Variants in PITPNM1 observed in about 807,000 individuals in gnomAD.
PITPNM1 encodes the protein membrane-associated phosphatidylinositol transfer protein 1.
A neutral mutation model predicts 133.3 loss-of-function variants in PITPNM1; 74 were observed. The observed-to-expected ratio is 0.56, with a 90% CI of 0.46 to 0.67. The LOEUF (loss-of-function observed/expected upper bound fraction) is 0.67, where lower values mean the gene tolerates loss of function less well. Ranked by LOEUF, PITPNM1 falls within the 30% of genes least tolerant of loss-of-function variation. The probability of loss-of-function intolerance (pLI) is 0.00; values close to 1 mark genes in which losing one functional copy is unlikely to be tolerated. For synonymous variants in PITPNM1, 738 were observed against 741.4 expected (o/e 1.00, Z 0.08); for missense variants, 1,398 against 1,739.5 (o/e 0.80, Z 3.49).
upstream of PITPNM1, among the ~76,000 whole-genome samples, chr11:67,505,681 T>C (rs1404988955): frequency 6.6e-6 from 1 of 152,106 alleles, no homozygotes; most frequent in Non-Finnish European, 1.5e-5. This position sits in a 1 kb window ranked among gnomAD's most constrained non-coding sequence, Gnocchi z 5.8. Flanking sequence ...CTCTTCTCAC[T>C]CTCTGCAGTC....
chr11:67,504,149 G>A lies in PITPNM1; in HGVS notation c.32C>T (p.Pro11Leu). The A allele has an allele frequency of 6.2e-7, 1 of 1,609,916 alleles. No homozygotes were observed. The highest frequency in any genetic ancestry group is 8.5e-7 in the Non-Finnish European group (1 of 1,178,778). Residue 11 changes from proline to leucine, a missense_variant, in exon 2 of 24, where the codon CCC becomes CTC. Pro to Leu is a moderately conservative substitution (Grantham distance 98). This residue lies in a region of PITPNM1 where 274 missense variants were observed against 360.7 expected (regional missense o/e 0.76). Transcript: ENST00000356404. This position sits in a 1 kb window ranked among gnomAD's most constrained non-coding sequence, Gnocchi z 5.4. ...CACCTGGTACTCGTCCAGGCTCATGGGCAGCAGAATGTGGTATTCCTTGAT... is the reference window on the plus strand; with the variant it reads ...CACCTGGTACTCGTCCAGGCTCATGAGCAGCAGAATGTGGTATTCCTTGAT... MLIKEYHILLPMSLDEYQVAQ... is the reference protein window; with the variant it reads MLIKEYHILLLMSLDEYQVAQ...
In PITPNM1 at chr11:67,493,852, GC is replaced by G. The variant is rs780467958; in HGVS notation, c.3009-16del. On this transcript the variant is annotated splice_polypyrimidine_tract_variant and intron_variant, in intron 20 of 23. Transcript: ENST00000356404. ...TGTGGTCGCCCCTGCGGCCCACGGG[GC>G]GGGGCGTGAGTGGCGCGGGGCGAGG... The G allele has an allele frequency of 4.6e-6, 7 of 1,534,566 alleles. No individual in the cohort carries two copies. Among genetic ancestry groups the G allele is most frequent in the Non-Finnish European group, 6.1e-6 (7 of 1,138,320 alleles).
Position 67,502,247 on chromosome 11 carries a change from A to C in PITPNM1, c.415+45T>G, listed in dbSNP as rs374267802. On this transcript the variant is annotated intron_variant, in intron 4 of 23. Coordinates refer to ENST00000356404, the MANE Select transcript of PITPNM1 (RefSeq NM_004910.3). The surrounding 1 kb of genome is among the most constrained non-coding windows in gnomAD (Gnocchi z 5.9). ...GAGGCTGCCCACTGAGGCAGCCAGG[A>C]GCCTGAGAGGGGCGCCAGGGTCCCC... The C allele has an allele frequency of 5.3e-5, 84 of 1,599,646 alleles. No individual in the cohort carries two copies. The highest frequency in any genetic ancestry group is 6.9e-5 in the Non-Finnish European group (81 of 1,173,116).
In PITPNM1 at chr11:67,502,418, G is replaced by A. The variant is rs2134327457; in HGVS notation, c.294-5C>T. 6.2e-7 allele frequency: 1 copy of A among 1,613,852 alleles called. No homozygotes were observed. The highest frequency in any genetic ancestry group is 8.5e-7 in the Non-Finnish European group (1 of 1,180,008). ...TCCACGAAAGGGCAGGTGTACCTGG[G>A]CAGAAGGCACGGGTGAGGCTCACTG... On this transcript the variant is annotated splice_polypyrimidine_tract_variant and splice_region_variant and intron_variant, in intron 3 of 23. Transcript: ENST00000356404. This position sits in a 1 kb window ranked among gnomAD's most constrained non-coding sequence, Gnocchi z 5.9.
intron 13 of PITPNM1, 27 bp downstream of exon 13, chr11:67,497,495 G>T: frequency 6.2e-7 from 1 of 1,602,840 alleles, no homozygotes; most frequent in South Asian, 1.1e-5. Flanking sequence ...TGTGCCCAGG[G>T]TAGGGGTGAT....
intron 2 of PITPNM1, chr11:67,503,846 G>A (rs1455829760): frequency 2.1e-5 from 8 of 373,358 alleles, no homozygotes; most frequent in East Asian, 4.3e-5. Flanking sequence ...CCTCCTGGGC[G>A]CTTTTTCCTT....
At chr11:67,497,837 G>A in intron 12 of PITPNM1, 80 bp downstream of exon 12, 1 of 1,481,930 alleles carries the variant, frequency 6.7e-7, no homozygotes, top group Non-Finnish European at 9.3e-7. Context: ...CTGGCAGAGG[G>A]GTGGCATTCC....
At position 67,500,207 on chromosome 11, in the gene PITPNM1, A is replaced by G. The variant is rs751845451; in HGVS notation, c.855T>C (p.Thr285=). 3.1e-6 allele frequency: 5 copies of G among 1,603,800 alleles called. No individual in the cohort carries two copies. The highest frequency in any genetic ancestry group is 2.2e-5 in the East Asian group (1 of 44,872). ...GGGCCTCAGGCCCATCGGGGGTGCC[A>G]GTGTTGCTGGCCGCAGACCGGGCCT... ...STEARSAASN[T]GTPDGPEAPP... The change falls in exon 6 of 24, where the codon ACT becomes ACC. Residue 285 remains threonine (T), a synonymous_variant. Transcript: ENST00000356404.
Position 67,502,123 on chromosome 11 carries a change from C to T in PITPNM1, c.416-37G>A. 6.3e-7 allele frequency: 1 copy of T among 1,589,430 alleles called. No homozygotes were observed. The highest frequency in any genetic ancestry group is 1.3e-5 in the African/African-American group (1 of 74,442). On this transcript the variant is annotated intron_variant, in intron 4 of 23. Coordinates refer to ENST00000356404, the MANE Select transcript of PITPNM1 (RefSeq NM_004910.3). This position sits in a 1 kb window ranked among gnomAD's most constrained non-coding sequence, Gnocchi z 5.9. ...CGGCAAGCATTGAGCAGCGCCAGCC[C>T]CTTTGAGCCCCCGCTCCTGGCACCC...
chr11:67,495,173 G>A lies in PITPNM1; in HGVS notation c.2535C>T (p.Pro845=). The change falls in exon 17 of 24, where the codon CCC becomes CCT. Residue 845 remains proline (P), a synonymous_variant. Transcript: ENST00000356404. The part of the protein sequence containing the change: ...TKRIDYSLYC[P]EALTAFPTVT... The stretch of plus-strand genomic sequence containing the variant: ...CGGTGGGAAAGGCGGTGAGCGCCTC[G>A]GGGCAGTACAGCGAGTAGTCGATCC... 7 of 1,611,436 alleles carry A rather than the reference G, an allele frequency of 4.3e-6. No individual in the cohort carries two copies. Among genetic ancestry groups the A allele is most frequent in the Non-Finnish European group, 5.9e-6 (7 of 1,179,662 alleles).
chr11:67,495,474 G>T lies in PITPNM1; in HGVS notation c.2446C>A (p.Pro816Thr). The change falls in exon 16 of 24, where the codon CCA (proline) becomes ACA (threonine). Residue 816 changes from proline to threonine, a missense_variant. By Grantham distance (38) the Pro-to-Thr change is conservative. Coordinates refer to ENST00000356404, the MANE Select transcript of PITPNM1 (RefSeq NM_004910.3). ...SELATDPPAQ[P>T]AAPSTTSEVV... ...TCACTGGTGGTGCTGGGGGCGGCTGGCTGGGCCGGGGGGTCAGTGGCCAAC... is the reference window on the plus strand; with the variant it reads ...TCACTGGTGGTGCTGGGGGCGGCTGTCTGGGCCGGGGGGTCAGTGGCCAAC... 1.3e-6 allele frequency: 2 copies of T among 1,553,340 alleles called. No individual in the cohort carries two copies. Among genetic ancestry groups the T allele is most frequent in the Non-Finnish European group, 8.7e-7 (1 of 1,149,980 alleles).
chr11:67,497,781 A>G (rs1009298948), intron 12 of PITPNM1, 102 bp from the exon 13 acceptor site: 17 of 1,528,444 alleles, frequency 1.1e-5, no homozygotes, highest in Non-Finnish European at 1.5e-5. Flanking sequence ...GCAGAGCAGA[A>G]TTCCAGAGAA....
chr11:67,492,444 AC>A, intron 23 of PITPNM1, 148 bp from the exon 24 acceptor site: 1 of 789,898 alleles, frequency 1.3e-6, no homozygotes, highest in Non-Finnish European at 1.9e-6. Context: ...AATAGATAGG[AC>A]CCCAGGCTGG....
In PITPNM1 at chr11:67,493,076, T is replaced by C. The variant is rs549716011; in HGVS notation, c.3343-14A>G. 2 of 1,612,696 alleles carry C rather than the reference T, an allele frequency of 1.2e-6. No homozygotes were observed. Among genetic ancestry groups the C allele is most frequent in the African/African-American group, 1.3e-5 (1 of 75,062 alleles). ...GTTCAGTTCTACCTGTGGCGGGAGA[T>C]GCCAATCAGCCGCCCCAGGGGTGGA... is the stretch of plus-strand genomic sequence containing the variant. On this transcript the variant is annotated splice_polypyrimidine_tract_variant and intron_variant, in intron 22 of 23. Transcript: ENST00000356404.
At position 67,494,338 on chromosome 11, in the gene PITPNM1, G is replaced by T; in HGVS notation, c.2765C>A (p.Ala922Glu). The T allele has an allele frequency of 6.2e-7, 1 of 1,607,642 alleles. No homozygotes were observed. The highest frequency in any genetic ancestry group is 8.5e-7 in the Non-Finnish European group (1 of 1,177,384). ...KIRNVTSNHR[A>E]SDTVVCEGRP... Reference sequence around the variant, plus strand: ...GCCCTCGCACACCACCGTGTCGCTCGCCCGGTGGTTGGAAGTGACGTTCTA... The same window carrying T: ...GCCCTCGCACACCACCGTGTCGCTCTCCCGGTGGTTGGAAGTGACGTTCTA... The change falls in exon 19 of 24, where the codon GCG (alanine) becomes GAG (glutamate). Residue 922 changes from alanine (A) to glutamate (E), a missense_variant. Physicochemically the swap from Ala to Glu is moderately radical, Grantham distance 107. Coordinates refer to ENST00000356404, the MANE Select transcript of PITPNM1 (RefSeq NM_004910.3).
intron 2 of PITPNM1, chr11:67,503,772 T>C: frequency 3.8e-6 from 1 of 263,258 alleles, no homozygotes; most frequent in South Asian, 5.7e-5. Flanking sequence ...GCCAGGACCC[T>C]CCACTTCTCC....
intron 22 of PITPNM1, 132 bp from the exon 23 acceptor site, chr11:67,493,194 A>G (rs1865992199): frequency 1.7e-6 from 2 of 1,204,460 alleles, no homozygotes; most frequent in Non-Finnish European, 2.4e-6. Flanking sequence ...TCCCAGTCCC[A>G]CGGGGACAGG....
intron 6 of PITPNM1, 42 bp from the exon 7 acceptor site, chr11:67,500,051 G>T (rs768397402): frequency 6.1e-5 from 98 of 1,604,014 alleles, no homozygotes; most frequent in Non-Finnish European, 8.0e-5. Context: ...CAGGAGCCCA[G>T]CCTGGGGAGG....
chr11:67,499,472 A>C (rs1284971815), intron 8 of PITPNM1, among the ~76,000 whole-genome samples: 1 of 150,062 alleles, frequency 6.7e-6, no homozygotes, highest in African/African-American at 2.5e-5. Context: ...TCACCTCTCA[A>C]GTGAAGCATT....
Sources: gnomAD v4.1 joint callset for allele counts (sites outside exome capture counted in the v4.1 genomes callset) on GRCh38, gnomAD v4.1.1 for gene constraint, gnomAD v4.1.1 regional missense constraint, Gnocchi (gnomAD v3.1) non-coding constraint, MANE v1.5 for transcripts, NCBI Gene and HGNC (gene_info 2026-07-23, HGNC 2026-07-21) for gene names.